CHLSN: variants seen among roughly 807,000 people sequenced by gnomAD.
The protein encoded by CHLSN is protein cholesin.
the CHLSN span, among the ~76,000 whole-genome samples, chr7:1,079,627 C>T: frequency 6.6e-6 from 1 of 152,230 alleles, no homozygotes; most frequent in Non-Finnish European, 1.5e-5. Flanking sequence ...CCAATGTAGA[C>T]GTGTGACGGG....
chr7:1,017,455 G>A, the CHLSN span, among the ~76,000 whole-genome samples: 3 of 152,194 alleles, frequency 2.0e-5, no homozygotes, highest in South Asian at 2.1e-4. Flanking sequence ...CATGAGGCAG[G>A]CGCTGCTGTC....
At chr7:1,095,806 C>G in the CHLSN span, among the ~76,000 whole-genome samples, 5 of 152,254 alleles carry the variant, frequency 3.3e-5, no homozygotes, top group African/African-American at 9.6e-5. Context: ...CTGTAGCACT[C>G]GGCAACCCCT....
the CHLSN span, chr7:1,010,186 T>C: frequency 4.9e-5 from 77 of 1,560,278 alleles, no homozygotes; most frequent in Admixed American, 1.6e-4. Context: ...ATGGAGGGTA[T>C]CCAGAGACGG....
the CHLSN span, among the ~76,000 whole-genome samples, chr7:1,123,547 G>A: frequency 6.6e-6 from 1 of 152,068 alleles, no homozygotes; most frequent in Admixed American, 6.5e-5. This position sits in a 1 kb window ranked among gnomAD's most constrained non-coding sequence, Gnocchi z 4.4. Flanking sequence ...CCCAGGCCCA[G>A]CCGCCCACCC....
the CHLSN span, among the ~76,000 whole-genome samples, chr7:978,847 G>C: frequency 1.3e-5 from 2 of 152,242 alleles, no homozygotes; most frequent in African/African-American, 4.8e-5. Context: ...GGCAGGGCTT[G>C]GTGGAGACAT....
the CHLSN span, among the ~76,000 whole-genome samples, chr7:1,136,379 A>AAAAT: frequency 2.0e-5 from 2 of 100,228 alleles, no homozygotes; most frequent in Non-Finnish European, 3.4e-5. Flanking sequence ...AATATATATA[A>AAAAT]ATATATAAAC....
the CHLSN span, chr7:1,091,833 C>G: frequency 6.2e-7 from 1 of 1,607,764 alleles, no homozygotes; most frequent in Non-Finnish European, 8.5e-7. Flanking sequence ...ACCTGTCCCA[C>G]CCGCTCCTGG....
chr7:1,085,623 A>C, the CHLSN span, among the ~76,000 whole-genome samples: 64 of 152,020 alleles, frequency 4.2e-4, no homozygotes, highest in African/African-American at 1.4e-3. Context: ...TCTTGAGCCC[A>C]GGAGTTCAAG....
the CHLSN span, among the ~76,000 whole-genome samples, chr7:1,036,522 G>C: frequency 6.6e-6 from 1 of 152,000 alleles, no homozygotes; most frequent in African/African-American, 2.4e-5. Flanking sequence ...TGGTGTGGCC[G>C]TGTAGGGTCA....
chr7:1,094,123 C>T, the CHLSN span, among the ~76,000 whole-genome samples: 1 of 152,224 alleles, frequency 6.6e-6, no homozygotes, highest in African/African-American at 2.4e-5. Context: ...AGAAGGCTCT[C>T]GGCCGCGTGC....
chr7:1,132,181 G>A, the CHLSN span, among the ~76,000 whole-genome samples: 1 of 152,032 alleles, frequency 6.6e-6, no homozygotes, highest in East Asian at 1.9e-4. Flanking sequence ...AAAAACACGT[G>A]GCAAAAGAAA....
At chr7:1,092,486 G>A in the CHLSN span, 39 of 1,607,376 alleles carry the variant, frequency 2.4e-5, no homozygotes, top group South Asian at 1.9e-4. Context: ...CTGCGGCCCC[G>A]GCGGCAGAAG....
At chr7:1,013,187 C>T in the CHLSN span, among the ~76,000 whole-genome samples, 10 of 152,212 alleles carry the variant, frequency 6.6e-5, no homozygotes, top group African/African-American at 1.9e-4. Flanking sequence ...CACCCACAGA[C>T]GAGCAGCGGA....
the CHLSN span, chr7:1,057,740 G>A: frequency 3.9e-6 from 3 of 775,310 alleles, no homozygotes; most frequent in Non-Finnish European, 7.2e-6. Flanking sequence ...CAGGCCTGGT[G>A]CTCAGCGCCC....
the CHLSN span, among the ~76,000 whole-genome samples, chr7:1,012,922 C>T: frequency 1.3e-5 from 2 of 152,250 alleles, no homozygotes; most frequent in African/African-American, 4.8e-5. Context: ...GTGACCACGA[C>T]GTGAGCGACC....
the CHLSN span, among the ~76,000 whole-genome samples, chr7:1,127,681 G>A: frequency 0.19 from 8,138 of 41,864 alleles, 1,427 homozygotes; most frequent in Middle Eastern, 0.42. Context: ...ACCGTCACCC[G>A]GGCTGGAGTG....
At chr7:1,135,431 T>C in the CHLSN span, among the ~76,000 whole-genome samples, 1 of 152,072 alleles carries the variant, frequency 6.6e-6, no homozygotes, top group African/African-American at 2.4e-5. Flanking sequence ...CTGACCTCTG[T>C]TTACACTGTT....
chr7:986,850 C>T, the CHLSN span: 3 of 1,450,098 alleles, frequency 2.1e-6, no homozygotes, highest in African/African-American at 1.4e-5. Context: ...CTGAGGGACA[C>T]CCCAGGGGAG....
At chr7:1,005,828 G>A in the CHLSN span, among the ~76,000 whole-genome samples, 5 of 152,168 alleles carry the variant, frequency 3.3e-5, no homozygotes, top group East Asian at 1.9e-4. Flanking sequence ...CGTGTGGCCC[G>A]GGTCCCAGTT....
Sources: gnomAD v4.1 joint callset for allele counts (sites outside exome capture counted in the v4.1 genomes callset) on GRCh38, gnomAD v4.1.1 for gene constraint, Gnocchi (gnomAD v3.1) non-coding constraint, MANE v1.5 for transcripts, NCBI Gene and HGNC (gene_info 2026-07-23, HGNC 2026-07-21) for gene names.